The following EML1 variants were observed in gnomAD, a reference collection of about 807,000 sequenced individuals.
EML1 encodes the protein EMAP like 1.
Under a neutral mutation model 110.4 loss-of-function variants are expected in EML1, and 27 were observed. The observed-to-expected ratio is 0.24, with a 90% CI of 0.18 to 0.34. The LOEUF (loss-of-function observed/expected upper bound fraction) is 0.34, where lower values mean the gene tolerates loss of function less well. Among genes scored for constraint, EML1 ranks in the 10% least tolerant of loss-of-function variants. The pLI is 1.00. For synonymous variants in EML1, 344 were observed against 385.8 expected (o/e 0.89, Z 1.27); for missense variants, 741 against 1,030.9 (o/e 0.72, Z 3.85).
intron 1 of EML1, among the ~76,000 whole-genome samples, chr14:99,743,483 C>T (rs1224881982): frequency 6.6e-6 from 1 of 152,182 alleles, no homozygotes; most frequent in Non-Finnish European, 1.5e-5. Context: ...CGGCTGGATC[C>T]TTCAGTACTG....
At chr14:99,879,209 G>GT (rs1469161464) in intron 4 of EML1, among the ~76,000 whole-genome samples, 2 of 152,104 alleles carry the variant, frequency 1.3e-5, no homozygotes, top group African/African-American at 4.8e-5. Flanking sequence ...GAAACTAATA[G>GT]TAACATTTTG....
intron 1 of EML1, among the ~76,000 whole-genome samples, chr14:99,748,363 C>G (rs553870335): frequency 3.3e-5 from 5 of 152,212 alleles, no homozygotes; most frequent in Admixed American, 6.5e-5. Flanking sequence ...AAGGGAGGGG[C>G]CAGCGATGCT....
At chr14:99,835,373 T>A (rs890898298) in intron 1 of EML1, among the ~76,000 whole-genome samples, 1 of 152,230 alleles carries the variant, frequency 6.6e-6, no homozygotes, top group Non-Finnish European at 1.5e-5. Flanking sequence ...CCTTGATCAA[T>A]TTGGCTATAG....
chr14:99,851,150 A>G, intron 2 of EML1, 115 bp downstream of exon 2: 1 of 1,153,696 alleles, frequency 8.7e-7, no homozygotes, highest in East Asian at 2.6e-5. Flanking sequence ...TTAGAATAAC[A>G]ATAAAACAGT....
chr14:99,886,090 AGCT>A, intron 4 of EML1: 1 of 267,100 alleles, frequency 3.7e-6, no homozygotes, highest in South Asian at 3.7e-5. Context: ...TCTAATAAAA[AGCT>A]GCTTAAGGAC....
intron 1 of EML1, among the ~76,000 whole-genome samples, chr14:99,779,826 C>A (rs993650749): frequency 6.6e-6 from 1 of 152,202 alleles, no homozygotes; most frequent in Non-Finnish European, 1.5e-5. Flanking sequence ...GTGTAGAGAA[C>A]CCCTTGGTTC....
At chr14:99,876,143 G>A (rs914363051) in intron 3 of EML1, among the ~76,000 whole-genome samples, 7 of 151,212 alleles carry the variant, frequency 4.6e-5, no homozygotes, top group Admixed American at 3.3e-4. Context: ...AGGAGACAGA[G>A]AGGGGAAGGA....
At chr14:99,840,630 ACAT>A (rs1053937796) in intron 1 of EML1, among the ~76,000 whole-genome samples, 6 of 152,240 alleles carry the variant, frequency 3.9e-5, no homozygotes, top group Non-Finnish European at 7.3e-5. Context: ...GAAAATAAGA[ACAT>A]CTCACGATAA....
intron 1 of EML1, among the ~76,000 whole-genome samples, chr14:99,826,694 A>G (rs1388871800): frequency 6.6e-6 from 1 of 151,814 alleles, no homozygotes; most frequent in Non-Finnish European, 1.5e-5. Flanking sequence ...TTTTAGTATC[A>G]TCTTGCTTCT....
At chr14:99,802,757 A>G (rs541237933) in intron 1 of EML1, among the ~76,000 whole-genome samples, 25 of 152,090 alleles carry the variant, frequency 1.6e-4, no homozygotes, top group Admixed American at 5.2e-4. Context: ...AGCCCGGGAG[A>G]TGGCTGGGCT....
chr14:99,915,513 T>C (rs1038513930), intron 15 of EML1: 1 of 152,068 alleles, frequency 6.6e-6, no homozygotes, highest in Non-Finnish European at 1.5e-5. Context: ...CCACGTGTAT[T>C]ACTTGAGCAC....
intron 1 of EML1, among the ~76,000 whole-genome samples, chr14:99,799,148 C>T (rs1168687817): frequency 2.0e-5 from 3 of 152,116 alleles, no homozygotes; most frequent in Non-Finnish European, 2.9e-5. Context: ...TACAGCGGGT[C>T]GAGTCCATGG....
chr14:99,903,128 ATACTT>A (rs1348082215), intron 9 of EML1, among the ~76,000 whole-genome samples: 5 of 152,238 alleles, frequency 3.3e-5, no homozygotes, highest in South Asian at 2.1e-4. Flanking sequence ...TCATAGCAGT[ATACTT>A]TACTTAATTG....
chr14:99,850,614 A>G (rs1355153604), intron 1 of EML1, among the ~76,000 whole-genome samples: 1 of 152,198 alleles, frequency 6.6e-6, no homozygotes, highest in Non-Finnish European at 1.5e-5. Flanking sequence ...GTCAATTAAA[A>G]CCACAGTTTA....
intron 4 of EML1, among the ~76,000 whole-genome samples, chr14:99,879,858 C>G (rs2059356918): frequency 6.6e-6 from 1 of 152,142 alleles, no homozygotes; most frequent in South Asian, 2.1e-4. Context: ...GGAAGTTGAC[C>G]TGAAATGTCT....
At chr14:99,752,195 C>G (rs900888499) in intron 1 of EML1, among the ~76,000 whole-genome samples, 12 of 152,148 alleles carry the variant, frequency 7.9e-5, no homozygotes, top group African/African-American at 2.9e-4. Flanking sequence ...ACAGCACCAG[C>G]AGCATAGCCC....
intron 1 of EML1, among the ~76,000 whole-genome samples, chr14:99,759,235 C>T (rs1161395660): frequency 6.6e-6 from 1 of 152,224 alleles, no homozygotes; most frequent in African/African-American, 2.4e-5. Flanking sequence ...GGGGTGAGCA[C>T]AGCAGTCAGC....
intron 1 of EML1, among the ~76,000 whole-genome samples, chr14:99,832,962 A>G (rs533734009): frequency 6.6e-6 from 1 of 152,276 alleles, no homozygotes; most frequent in African/African-American, 2.4e-5. Context: ...GTATTTCATG[A>G]TGCTGAGGTT....
chr14:99,775,875 G>T (rs1161847784), intron 1 of EML1, among the ~76,000 whole-genome samples: 1 of 152,154 alleles, frequency 6.6e-6, no homozygotes, highest in Non-Finnish European at 1.5e-5. Flanking sequence ...AAAACATTTT[G>T]TAGATTCATC....
Sources: allele counts gnomAD v4.1 joint callset (sites outside exome capture counted in the v4.1 genomes callset), GRCh38; gene constraint gnomAD v4.1.1; transcripts MANE v1.5; gene names NCBI Gene and HGNC (gene_info 2026-07-23, HGNC 2026-07-21).